METAP1D: variants seen among roughly 807,000 people sequenced by gnomAD.
METAP1D encodes methionine aminopeptidase 1D, mitochondrial.
METAP1D carries 31 observed loss-of-function variants against 40.5 expected under a neutral mutation model. The observed-to-expected ratio is 0.77, with a 90% CI of 0.58 to 1.03. The LOEUF is 1.03. Among genes scored for constraint, METAP1D ranks in the 50% least tolerant of loss-of-function variants. The pLI, the probability that METAP1D is intolerant of heterozygous loss-of-function variation, is 0.00. For synonymous variants in METAP1D, 151 were observed against 146.4 expected, an observed-to-expected ratio of 1.03 and a Z score of -0.22; for missense variants, 411 against 420.7, an observed-to-expected ratio of 0.98 and a Z score of 0.20.
intron 1 of METAP1D, among the ~76,000 whole-genome samples, chr2:172,010,493 CTTTTTTTT>C (rs759651661): frequency 1.1e-5 from 1 of 88,966 alleles, no homozygotes; most frequent in Non-Finnish European, 2.0e-5. Context: ...CTTCTTTCCT[CTTTTTTTT>C]TTTTTTTTTT....
At position 172,042,996 on chromosome 2, in the gene METAP1D, T is replaced by TAC. The variant is rs1689642385; in HGVS notation, c.41-18498_41-18497dup. 6.5e-5 allele frequency among the ~76,000 whole-genome samples: 7 copies of TAC among 107,542 alleles called. 2 individuals carry two copies. The South Asian group carries it at 2.2e-3, about 33-fold the overall frequency. The allele number at this position is 107,542 out of a possible 152,430, so 70.6% of individuals were successfully genotyped here. Reference sequence around the variant, plus strand: ...ATGTGCATACATATGTGTGCGTGTGTACACATATATGTGTATGTGTACACA... The same window carrying TAC: ...ATGTGCATACATATGTGTGCGTGTGTACACACATATATGTGTATGTGTACACA... On this transcript the variant is annotated intron_variant, in intron 1 of 9. Coordinates refer to ENST00000315796, the MANE Select transcript of METAP1D (RefSeq NM_199227.3).
intron 1 of METAP1D, among the ~76,000 whole-genome samples, chr2:172,056,340 G>C (rs958817178): frequency 6.6e-6 from 1 of 152,212 alleles, no homozygotes; most frequent in Non-Finnish European, 1.5e-5. Context: ...CTCTTGGTCA[G>C]TCAGCATCCA....
In METAP1D at chr2:172,028,542, CTGTGTGTGTGTGTGTGTGTGTGTGTG is replaced by C. The variant is rs10529698; in HGVS notation, c.40+28561_40+28586del. Among the ~76,000 whole-genome samples, 302 of 141,406 alleles carry C rather than the reference CTGTGTGTGTGTGTGTGTGTGTGTGTG, an allele frequency of 2.1e-3. 1 individual carries two copies. The highest frequency in any genetic ancestry group is 8.0e-3 in the East Asian group (39 of 4,874). 92.8% of individuals were successfully genotyped at this position (141,406 alleles called of 152,430 possible). A position where few individuals can be genotyped will look rare whatever the true frequency, so the allele number is the denominator to read the frequency against. On this transcript the variant is annotated intron_variant, in intron 1 of 9. Transcript: ENST00000315796. ...CATGAGCAGACTTCTGTATGTGTGT[CTGTGTGTGTGTGTGTGTGTGTGTGTG>C]TGTGTGTGTGTGTGTGTGTGTGTGT...
chr2:172,016,331 A>ATATATATATATAT (rs1491415245), intron 1 of METAP1D, among the ~76,000 whole-genome samples: 1 of 99,780 alleles, frequency 1.0e-5, no homozygotes, highest in Non-Finnish European at 2.2e-5. Context: ...ATATATATAT[A>ATATATATATATAT]AATAGTCCAG....
rs10930503 is a variant in METAP1D, at chr2:172,054,985, G to A, written c.41-6513G>A. ...AGTTGCTGTTAGGTCATCAACAGTA[G>A]CAATACTACGATCATCTCTTGCAAG... On this transcript the variant is annotated intron_variant, in intron 1 of 9. Transcript: ENST00000315796. 0.039 allele frequency among the ~76,000 whole-genome samples: 5,950 copies of A among 152,262 alleles called. 637 individuals carry two copies. The East Asian group carries it at 0.45, about 11-fold the overall frequency.
chr2:172,050,779 C>T (rs1689868678), intron 1 of METAP1D, among the ~76,000 whole-genome samples: 1 of 152,114 alleles, frequency 6.6e-6, no homozygotes, highest in African/African-American at 2.4e-5. Context: ...GTCTTTTATT[C>T]TGTGTTTAAA....
chr2:172,071,560 G>A (rs1261374994), intron 6 of METAP1D, among the ~76,000 whole-genome samples: 2 of 152,112 alleles, frequency 1.3e-5, no homozygotes, highest in African/African-American at 2.4e-5. Context: ...AGCCTGAAAC[G>A]GTGATCTTCT....
intron 1 of METAP1D, among the ~76,000 whole-genome samples, chr2:172,024,712 C>T (rs1348474966): frequency 5.3e-5 from 8 of 151,320 alleles, no homozygotes; most frequent in Non-Finnish European, 1.5e-5. Context: ...CTATTTCTTA[C>T]ATCCTGATAA....
chr2:172,079,917 A>G (rs1690659437), intron 8 of METAP1D, among the ~76,000 whole-genome samples: 1 of 152,224 alleles, frequency 6.6e-6, no homozygotes, highest in Non-Finnish European at 1.5e-5. Flanking sequence ...TACATTTTGA[A>G]TGGCGCAGTG....
intron 1 of METAP1D, among the ~76,000 whole-genome samples, chr2:172,048,147 T>A (rs1689803111): frequency 6.6e-6 from 1 of 152,188 alleles, no homozygotes; most frequent in Non-Finnish European, 1.5e-5. Flanking sequence ...TGTGATGGAG[T>A]GAGGAGAGGC....
At chr2:172,070,873 A>T in intron 5 of METAP1D, 34 bp from the exon 6 acceptor site, 1 of 1,546,074 alleles carries the variant, frequency 6.5e-7, no homozygotes. Flanking sequence ...ATTTTTAAAC[A>T]AGGACATATT....
At chr2:172,060,182 G>A (rs892472323) in intron 1 of METAP1D, among the ~76,000 whole-genome samples, 2 of 152,128 alleles carry the variant, frequency 1.3e-5, no homozygotes, top group Non-Finnish European at 2.9e-5. Flanking sequence ...TTGGGAGGCC[G>A]AGGTGGGAGG....
intron 1 of METAP1D, among the ~76,000 whole-genome samples, chr2:172,053,627 A>G (rs1224800525): frequency 6.6e-6 from 1 of 152,248 alleles, no homozygotes; most frequent in African/African-American, 2.4e-5. Context: ...TTAACATGCT[A>G]TAAATAATAG....
intron 1 of METAP1D, among the ~76,000 whole-genome samples, chr2:172,043,089 TTACA>T (rs148895312): frequency 0.013 from 276 of 20,816 alleles, 27 homozygotes; most frequent in Admixed American, 0.031. Flanking sequence ...GTACATATAT[TTACA>T]TACATATATA....
chr2:172,077,631 A>G (rs1429094068), intron 6 of METAP1D, among the ~76,000 whole-genome samples, 166 bp from the exon 7 acceptor site: 1 of 152,236 alleles, frequency 6.6e-6, no homozygotes, highest in Non-Finnish European at 1.5e-5. Flanking sequence ...AACAGCAAAA[A>G]TTAAAATTAT....
chr2:172,077,836 T>G lies in METAP1D; in HGVS notation c.744T>G (p.His248Gln). 6.2e-7 allele frequency: 1 copy of G among 1,611,686 alleles called. No homozygotes were observed. The highest frequency in any genetic ancestry group is 8.5e-7 in the Non-Finnish European group (1 of 1,178,418). ...AGAATGGTTTTCAAGTCTGTCCACA[T>G]TTTGTGGGACATGGAATAGGATCTT... is the stretch of plus-strand genomic sequence containing the variant. ...THQNGFQVCP[H>Q]FVGHGIGSYF... Residue 248 changes from histidine to glutamine, a missense_variant, in exon 7 of 10, where the codon CAT becomes CAG. Transcript: ENST00000315796.
At chr2:172,075,734 A>G (rs1459018554) in intron 6 of METAP1D, among the ~76,000 whole-genome samples, 1 of 152,156 alleles carries the variant, frequency 6.6e-6, no homozygotes, top group Non-Finnish European at 1.5e-5. Context: ...AGTGCTAAAA[A>G]CCACCTACCA....
chr2:172,063,892 C>T (rs1690191828), intron 3 of METAP1D, 32 bp downstream of exon 3: 2 of 1,556,832 alleles, frequency 1.3e-6, no homozygotes. Flanking sequence ...GAACGACTTA[C>T]ATAAGGGGCA....
intron 1 of METAP1D, among the ~76,000 whole-genome samples, chr2:172,056,970 A>C (rs549571076): frequency 1.4e-4 from 22 of 152,274 alleles, no homozygotes; most frequent in African/African-American, 5.1e-4. Context: ...TTTCATGATA[A>C]AAAAAACTGA....
Sources: allele counts gnomAD v4.1 joint callset (sites outside exome capture counted in the v4.1 genomes callset), GRCh38; gene constraint gnomAD v4.1.1; transcripts MANE v1.5; gene names NCBI Gene and HGNC (gene_info 2026-07-23, HGNC 2026-07-21).